The following DYM variants were observed in gnomAD, a reference collection of about 807,000 sequenced individuals.
The protein encoded by DYM is dyggve-Melchior-Clausen syndrome protein.
A neutral mutation model predicts 93.1 loss-of-function variants in DYM; 78 were observed. That is an observed-to-expected ratio of 0.84 (90% CI 0.70 to 1.01). The LOEUF is 1.01. Ranked by LOEUF, DYM falls within the 50% of genes least tolerant of loss-of-function variation. The probability of loss-of-function intolerance (pLI) is 0.00; values close to 1 mark genes in which losing one functional copy is unlikely to be tolerated. For missense variants in DYM, 789 were observed against 845.0 expected, an observed-to-expected ratio of 0.93 and a Z score of 0.82; for synonymous variants, 321 against 319.7, an observed-to-expected ratio of 1.00 and a Z score of -0.04.
chr18:49,111,864 G>A (rs1216818803), intron 16 of DYM, among the ~76,000 whole-genome samples: 2 of 152,028 alleles, frequency 1.3e-5, no homozygotes, highest in Non-Finnish European at 2.9e-5. Flanking sequence ...TCTATGCCTG[G>A]GCCTAGGGCA....
intron 6 of DYM, among the ~76,000 whole-genome samples, chr18:49,355,288 C>A (rs2065451741): frequency 6.6e-6 from 1 of 151,672 alleles, no homozygotes; most frequent in African/African-American, 2.4e-5. Flanking sequence ...AATAGATATG[C>A]ATTGATATCT....
At chr18:49,149,217 G>C (rs2144684321) in intron 15 of DYM, among the ~76,000 whole-genome samples, 1 of 152,212 alleles carries the variant, frequency 6.6e-6, no homozygotes, top group East Asian at 1.9e-4. Flanking sequence ...TGGAGTGACG[G>C]GGAGAAGCTG....
chr18:49,128,230 G>A (rs1045722904), intron 15 of DYM, among the ~76,000 whole-genome samples: 2 of 152,238 alleles, frequency 1.3e-5, no homozygotes, highest in Admixed American at 6.5e-5. Context: ...GCAGTGGACA[G>A]AACTTGGGGT....
At chr18:49,059,373 G>A (rs1039784150) in intron 17 of DYM, among the ~76,000 whole-genome samples, 1 of 152,162 alleles carries the variant, frequency 6.6e-6, no homozygotes, top group Non-Finnish European at 1.5e-5. Flanking sequence ...CAGCCCCAGC[G>A]AACTAAGACA....
chr18:49,344,425 A>G (rs1271617645), intron 6 of DYM, among the ~76,000 whole-genome samples: 2 of 152,126 alleles, frequency 1.3e-5, no homozygotes, highest in Non-Finnish European at 2.9e-5. Context: ...TGTAACTACA[A>G]GCCAAAGAAC....
intron 16 of DYM, among the ~76,000 whole-genome samples, chr18:49,113,116 C>T (rs2081579295): frequency 6.6e-6 from 1 of 152,018 alleles, no homozygotes; most frequent in Non-Finnish European, 1.5e-5. Context: ...TATGATTTAA[C>T]CTTGTTTAAC....
At chr18:49,435,777 A>G (rs777757336) in intron 1 of DYM, among the ~76,000 whole-genome samples, 1 of 152,182 alleles carries the variant, frequency 6.6e-6, no homozygotes, top group Non-Finnish European at 1.5e-5. Flanking sequence ...CAACAAGAAC[A>G]ACACTCCATC....
intron 1 of DYM, chr18:49,431,856 G>A (rs2080349421): frequency 6.6e-6 from 1 of 152,002 alleles, no homozygotes; most frequent in Non-Finnish European, 1.5e-5. Flanking sequence ...TTCTGAATCT[G>A]AGATAGAAAT....
At chr18:49,412,199 G>A (rs1467137040) in intron 2 of DYM, among the ~76,000 whole-genome samples, 4 of 148,734 alleles carry the variant, frequency 2.7e-5, no homozygotes, top group South Asian at 2.1e-4. Context: ...TAGATAATAC[G>A]GTGTTTATTT....
chr18:49,044,324 C>T, intron 17 of DYM, 120 bp from the exon 18 acceptor site: 2 of 1,064,124 alleles, frequency 1.9e-6, no homozygotes, highest in East Asian at 2.4e-5. Context: ...CAACTGGTCA[C>T]AGGGCATGAA....
chr18:49,358,979 G>T (rs1409322482), intron 6 of DYM, among the ~76,000 whole-genome samples: 3 of 152,148 alleles, frequency 2.0e-5, no homozygotes, highest in African/African-American at 7.2e-5. Context: ...TGCTTCTGCG[G>T]CTATGGCCAC....
chr18:49,281,624 TA>T (rs1376024579), intron 10 of DYM, among the ~76,000 whole-genome samples: 19 of 152,068 alleles, frequency 1.2e-4, no homozygotes, highest in African/African-American at 4.6e-4. Context: ...TATGCAGCCA[TA>T]AAAAAGGATG....
At chr18:49,308,081 A>C (rs1359529757) in intron 8 of DYM, among the ~76,000 whole-genome samples, 2 of 152,232 alleles carry the variant, frequency 1.3e-5, no homozygotes, top group African/African-American at 4.8e-5. Context: ...TTAAACAATA[A>C]ATACTATAAT....
At chr18:49,170,879 GAGA>G (rs1242972913) in intron 14 of DYM, among the ~76,000 whole-genome samples, 1 of 151,332 alleles carries the variant, frequency 6.6e-6, no homozygotes, top group East Asian at 1.9e-4. Flanking sequence ...TAAGAAGTAG[GAGA>G]AGAACTAGGA....
intron 14 of DYM, among the ~76,000 whole-genome samples, chr18:49,178,694 C>T (rs200652791): frequency 1.1e-4 from 16 of 151,872 alleles, no homozygotes; most frequent in African/African-American, 2.4e-4. Context: ...AGAAAATAAA[C>T]GATAGTAATC....
At chr18:49,360,867 C>G (rs776103647) in intron 6 of DYM, among the ~76,000 whole-genome samples, 12 of 152,200 alleles carry the variant, frequency 7.9e-5, no homozygotes, top group Non-Finnish European at 1.3e-4. Context: ...CATATTGTCA[C>G]CAATGTCCCA....
chr18:49,405,287 G>A (rs2071345619), intron 2 of DYM, among the ~76,000 whole-genome samples: 1 of 152,052 alleles, frequency 6.6e-6, no homozygotes, highest in Admixed American at 6.5e-5. Context: ...TGTTACAATT[G>A]TTTTTCAGAA....
At chr18:49,308,895 C>G (rs562661500) in intron 8 of DYM, among the ~76,000 whole-genome samples, 1 of 152,076 alleles carries the variant, frequency 6.6e-6, no homozygotes, top group African/African-American at 2.4e-5. Flanking sequence ...TGGCAAAATA[C>G]TGAAAACCAC....
intron 2 of DYM, among the ~76,000 whole-genome samples, chr18:49,412,332 T>C (rs2072353846): frequency 1.3e-5 from 2 of 152,068 alleles, no homozygotes; most frequent in African/African-American, 4.8e-5. Context: ...TTTACTTTAA[T>C]GCTTTAAAGG....
Sources: gnomAD v4.1 joint callset for allele counts (sites outside exome capture counted in the v4.1 genomes callset) on GRCh38, gnomAD v4.1.1 for gene constraint, MANE v1.5 for transcripts, NCBI Gene and HGNC (gene_info 2026-07-23, HGNC 2026-07-21) for gene names.